The following MYO16 variants were observed in gnomAD, a reference collection of about 807,000 sequenced individuals.
MYO16 encodes unconventional myosin-XVI.
MYO16 carries 94 observed loss-of-function variants against 205.3 expected under a neutral mutation model. The observed-to-expected ratio is 0.46, with a 90% CI of 0.39 to 0.54. The LOEUF (loss-of-function observed/expected upper bound fraction) is 0.54. Ranked by LOEUF, MYO16 falls within the 20% of genes least tolerant of loss-of-function variation. The probability of loss-of-function intolerance (pLI) is 0.00; values close to 1 mark genes in which losing one functional copy is unlikely to be tolerated. For synonymous variants in MYO16, 988 were observed against 954.0 expected (o/e 1.04, Z -0.66); for missense variants, 2,315 against 2,387.5 (o/e 0.97, Z 0.63).
intron 34 of MYO16, among the ~76,000 whole-genome samples, chr13:109,181,149 C>T (rs1257569959): frequency 2.0e-5 from 3 of 152,250 alleles, no homozygotes; most frequent in Non-Finnish European, 4.4e-5. Context: ...GAAAGGTCAT[C>T]GGGAATCATT....
intron 16 of MYO16, among the ~76,000 whole-genome samples, chr13:108,924,210 C>T (rs1488173842): frequency 1.3e-5 from 2 of 152,298 alleles, no homozygotes; most frequent in African/African-American, 4.8e-5. Context: ...TGCAAAGTGT[C>T]ACGAGATATT....
At position 109,022,287 on chromosome 13, in the gene MYO16, ATATAATATACAAATATATATTTATATAT is replaced by A. The variant is rs1402726450; in HGVS notation, c.2796+2381_2796+2408del. 1.7e-4 allele frequency among the ~76,000 whole-genome samples: 22 copies of A among 128,174 alleles called. 1 individual carries two copies. Among genetic ancestry groups the A allele is most frequent in the African/African-American group, 6.4e-4 (21 of 32,738 alleles). The allele number at this position is 128,174 out of a possible 152,430, so 84.1% of individuals were successfully genotyped here. ...TACATATACATATTTATATATACAA[ATATAATATACAAATATATATTTATATAT>A]TATATACAAATATATATTTATATAT... On this transcript the variant is annotated intron_variant, in intron 23 of 34. Transcript: ENST00000457511.
chr13:109,130,805 A>C (rs1181087204), intron 31 of MYO16, among the ~76,000 whole-genome samples: 4 of 152,186 alleles, frequency 2.6e-5, no homozygotes, highest in Admixed American at 2.6e-4. Context: ...AGTATAATCT[A>C]AGTCTTTGTT....
intron 16 of MYO16, among the ~76,000 whole-genome samples, chr13:108,914,574 CTG>C (rs1881405673): frequency 6.6e-6 from 1 of 152,166 alleles, no homozygotes; most frequent in South Asian, 2.1e-4. Context: ...GCATCAGTAA[CTG>C]TGAGCTAAAG....
intron 16 of MYO16, among the ~76,000 whole-genome samples, chr13:108,917,945 G>T (rs1428487169): frequency 1.3e-5 from 2 of 152,182 alleles, no homozygotes. Flanking sequence ...GATTATAATT[G>T]ATTTCCCCGT....
At chr13:108,525,512 C>G in the MYO16 span, among the ~76,000 whole-genome samples, 1 of 152,118 alleles carries the variant, frequency 6.6e-6, no homozygotes, top group Admixed American at 6.5e-5. Context: ...GGCCTTTACC[C>G]TAGATGATAG....
chr13:109,203,499 C>A (rs1325005918), intron 34 of MYO16, among the ~76,000 whole-genome samples: 1 of 151,556 alleles, frequency 6.6e-6, no homozygotes, highest in African/African-American at 2.4e-5. Flanking sequence ...ATGAAGACAT[C>A]AGCTTTCACT....
rs371585959 is a variant in MYO16, at chr13:109,028,860, G to A, written c.2796+8949G>A. Among the ~76,000 whole-genome samples, 259 of 151,866 alleles carry A rather than the reference G, an allele frequency of 1.7e-3. 10 individuals carry two copies. In the South Asian group the frequency reaches 0.05, roughly 29 times the overall value. On this transcript the variant is annotated intron_variant, in intron 23 of 34. Transcript: ENST00000457511. ...CTAAAACGTTGCTGATGGGAATGAC[G>A]TGAGGAAAAGAATGAAGTCACTGAT...
chr13:108,902,265 G>C (rs1449187861), intron 15 of MYO16, among the ~76,000 whole-genome samples: 1 of 152,200 alleles, frequency 6.6e-6, no homozygotes, highest in East Asian at 1.9e-4. Flanking sequence ...GCAAGAGGAA[G>C]GGGCAGACAC....
chr13:109,128,456 T>G (rs1356818994), intron 31 of MYO16, among the ~76,000 whole-genome samples: 1 of 152,160 alleles, frequency 6.6e-6, no homozygotes, highest in African/African-American at 2.4e-5. Flanking sequence ...ACACAGTTCC[T>G]TCAGTAAATA....
intron 22 of MYO16, among the ~76,000 whole-genome samples, chr13:109,018,482 G>A (rs1885906794): frequency 6.6e-6 from 1 of 152,170 alleles, no homozygotes; most frequent in African/African-American, 2.4e-5. Context: ...CATTCTCAGA[G>A]CTCAGACAAC....
intron 16 of MYO16, among the ~76,000 whole-genome samples, chr13:108,931,554 G>A (rs979948965): frequency 3.3e-5 from 5 of 152,106 alleles, no homozygotes; most frequent in Non-Finnish European, 5.9e-5. Context: ...GTGTGTATCT[G>A]TACTGTGGAA....
rs564259785 is a variant in MYO16 at position 108,661,218 on chromosome 13, C to G, written c.29-4668C>G. On this transcript the variant is annotated intron_variant, in intron 1 of 34. Transcript: ENST00000457511. ...CTTCTGTCTCAGAGCTCTTAAGATT[C>G]TTTACTTCATCTTAACTTTAGATAA... is the stretch of plus-strand genomic sequence containing the variant. Among the ~76,000 whole-genome samples, 13 of 152,210 alleles carry G rather than the reference C, an allele frequency of 8.5e-5. No individual in the cohort carries two copies. The East Asian group carries it at 2.3e-3, about 27-fold the overall frequency.
chr13:108,867,291 A>C (rs1878770348), intron 12 of MYO16, among the ~76,000 whole-genome samples: 1 of 152,162 alleles, frequency 6.6e-6, no homozygotes. Context: ...ACTTGGGCCC[A>C]AGAAGTTGAA....
rs182358877 is a variant in MYO16 at position 108,616,264 on chromosome 13, C to T, written c.-39+20025C>T. 9.2e-5 allele frequency among the ~76,000 whole-genome samples: 14 copies of T among 152,240 alleles called. No homozygotes were observed. The East Asian group carries it at 2.7e-3, about 29-fold the overall frequency. On this transcript the variant is annotated intron_variant, in intron 1 of 24. Coordinates refer to the MYO16 transcript ENST00000251041. ...CAAGTAAAAATGTATATACAGTAGACATTAAGGAGAAAACATGTTCACTTT... is the reference window on the plus strand; with the variant it reads ...CAAGTAAAAATGTATATACAGTAGATATTAAGGAGAAAACATGTTCACTTT...
chr13:108,844,655 A>G (rs1877425135), intron 10 of MYO16, among the ~76,000 whole-genome samples, 162 bp downstream of exon 10: 1 of 152,246 alleles, frequency 6.6e-6, no homozygotes, highest in African/African-American at 2.4e-5. Context: ...CAATTAGTGC[A>G]TTCTGCTGAT....
chr13:108,766,513 T>A (rs751964293), intron 4 of MYO16, among the ~76,000 whole-genome samples: 44 of 152,258 alleles, frequency 2.9e-4, no homozygotes, highest in South Asian at 1.9e-3. Flanking sequence ...CAGTTCCAAT[T>A]AGTGGCTTAA....
intron 4 of MYO16, among the ~76,000 whole-genome samples, chr13:108,775,044 A>G (rs951814548): frequency 1.3e-5 from 2 of 152,166 alleles, no homozygotes; most frequent in Non-Finnish European, 2.9e-5. Flanking sequence ...TTTTATATTG[A>G]AAATCTTCTC....
At chr13:108,871,043 A>C (rs1027642961) in intron 12 of MYO16, among the ~76,000 whole-genome samples, 1 of 152,086 alleles carries the variant, frequency 6.6e-6, no homozygotes, top group African/African-American at 2.4e-5. Flanking sequence ...TTCGTTTTCT[A>C]CTTTTGTTTC....
Sources: allele counts gnomAD v4.1 joint callset (sites outside exome capture counted in the v4.1 genomes callset), GRCh38; gene constraint gnomAD v4.1.1; transcripts MANE v1.5; gene names NCBI Gene and HGNC (gene_info 2026-07-23, HGNC 2026-07-21).